The following BTN1A1 variants were observed in gnomAD, a reference collection of about 807,000 sequenced individuals.
BTN1A1 encodes the protein butyrophilin subfamily 1 member A1, also known as bK14H9.2 (butyrophilin, subfamily 1, member A1).
Under a neutral mutation model 33.1 loss-of-function variants are expected in BTN1A1, and 26 were observed. That is an observed-to-expected ratio of 0.79 (90% CI 0.58 to 1.09). The LOEUF (loss-of-function observed/expected upper bound fraction) is 1.09. Among genes scored for constraint, BTN1A1 ranks in the 50% least tolerant of loss-of-function variants. The pLI is 0.00. For synonymous variants in BTN1A1, 235 were observed against 256.2 expected (o/e 0.92, Z 0.79); for missense variants, 558 against 655.7 (o/e 0.85, Z 1.63).
chr6:26,509,153 A>G lies in BTN1A1; in HGVS notation c.1560A>G (p.Gln520=), dbSNP rs1554139427. Residue 520 remains glutamine, a synonymous_variant, in exon 8 of 8, where the codon CAA becomes CAG. Coordinates refer to ENST00000684113, the MANE Select transcript of BTN1A1 (RefSeq NM_001732.3). ...TCCATTCTAAGCTAATCCCTACCCA[A>G]CCCAGCCAAGGGGCACCTTAAGGAA... ...DTLHSKLIPT[Q]PSQGAP is the part of the protein sequence containing the mutation. The G allele has an allele frequency of 1.2e-6, 2 of 1,611,566 alleles. No individual in the cohort carries two copies. Among genetic ancestry groups the G allele is most frequent in the Non-Finnish European group, 1.7e-6 (2 of 1,178,844 alleles).
rs939125802 is a variant in BTN1A1, at chr6:26,509,447, G to C, written c.*273G>C. On this transcript the variant is annotated 3_prime_UTR_variant, in exon 8 of 8. Transcript: ENST00000684113. ...ACTAGAACCTATAGGAAACTACTTG[G>C]AGCAAACTCAAAGGACAGATTAGGG... 8.0e-6 allele frequency: 3 copies of C among 372,830 alleles called. No homozygotes were observed. In the East Asian group the frequency reaches 1.4e-4, roughly 18 times the overall value. 23.1% of individuals were successfully genotyped at this position (372,830 alleles called of 1,614,324 possible).
In BTN1A1 at chr6:26,510,124, A is replaced by G. The variant is rs1015843493; in HGVS notation, c.*950A>G. ...TCATCTCAATGCCCAAACCCCTTAC[A>G]CACACCTTCAGTTAGCTTCAACTGC... On this transcript the variant is annotated 3_prime_UTR_variant, in exon 8 of 8. Transcript: ENST00000684113. The G allele has an allele frequency of 6.5e-6, 1 of 152,728 alleles. No individual in the cohort carries two copies. Among genetic ancestry groups the G allele is most frequent in the Non-Finnish European group, 1.5e-5 (1 of 68,164 alleles). 9.5% of individuals were successfully genotyped at this position (152,728 alleles called of 1,614,324 possible). A position where few individuals can be genotyped will look rare whatever the true frequency, so the allele number is the denominator to read the frequency against.
chr6:26,501,925 C>CTGAA lies in BTN1A1; in HGVS notation c.416_419dup (p.Lys140AsnfsTer9). The CTGAA allele has an allele frequency of 6.4e-7, 1 of 1,568,582 alleles. No homozygotes were observed. The highest frequency in any genetic ancestry group is 8.7e-7 in the Non-Finnish European group (1 of 1,155,718). Reference sequence around the variant, plus strand: ...AAGCTACGAAGAAGCCCTGGTGCATCTGAAGGTGGCTGGTGAGTAGACGGG... The same window carrying CTGAA: ...AAGCTACGAAGAAGCCCTGGTGCATCTGAATGAAGGTGGCTGGTGAGTAGACGGG... On this transcript the variant is annotated frameshift_variant, in exon 3 of 8. Transcript: ENST00000684113. LOFTEE classifies it high-confidence loss of function. This position sits in a 1 kb window ranked among gnomAD's most constrained non-coding sequence, Gnocchi z 5.2.
Position 26,501,968 on chromosome 6 carries a change from G to T in BTN1A1, c.427+31G>T. On this transcript the variant is annotated intron_variant, in intron 3 of 7. Transcript: ENST00000684113. This position sits in a 1 kb window ranked among gnomAD's most constrained non-coding sequence, Gnocchi z 5.2. ...TAGACGGGTTTTGACTTTCTCCGAC[G>T]ACTCCCCTGCTGTATACACTTTCGT... 1 of 1,530,380 alleles carries T rather than the reference G, an allele frequency of 6.5e-7. No homozygotes were observed. The highest frequency in any genetic ancestry group is 1.3e-5 in the South Asian group (1 of 77,130). The allele number at this position is 1,530,380 out of a possible 1,614,324, so 94.8% of individuals were successfully genotyped here. A position where few individuals can be genotyped will look rare whatever the true frequency, so the allele number is the denominator to read the frequency against.
At position 26,501,506 on chromosome 6, in the gene BTN1A1, A is replaced by C; in HGVS notation, c.80-84A>C. 1 of 1,586,060 alleles carries C rather than the reference A, an allele frequency of 6.3e-7. No homozygotes were observed. The highest frequency in any genetic ancestry group is 1.3e-5 in the African/African-American group (1 of 74,386). On this transcript the variant is annotated intron_variant, in intron 2 of 7. Coordinates refer to ENST00000684113, the MANE Select transcript of BTN1A1 (RefSeq NM_001732.3). This position sits in a 1 kb window ranked among gnomAD's most constrained non-coding sequence, Gnocchi z 5.2. ...TCAAAGGAGTAAGAGAGCGCGGGGC[A>C]CTGCGCTTTGGCGGGAATCTGGTCG...
Position 26,501,394 on chromosome 6 carries a change from T to G in BTN1A1, c.79+29T>G. 1 of 1,597,818 alleles carries G rather than the reference T, an allele frequency of 6.3e-7. No homozygotes were observed. The highest frequency in any genetic ancestry group is 1.1e-5 in the South Asian group (1 of 90,738). ...AGTCTCTCTCTCTCTCTGGGCTGCA[T>G]AGTTGAAATATATCAATAAATGTAA... is the stretch of plus-strand genomic sequence containing the variant. On this transcript the variant is annotated intron_variant, in intron 2 of 7. Coordinates refer to ENST00000684113, the MANE Select transcript of BTN1A1 (RefSeq NM_001732.3). This position sits in a 1 kb window ranked among gnomAD's most constrained non-coding sequence, Gnocchi z 5.2.
Position 26,508,912 on chromosome 6 carries a change from A to T in BTN1A1, c.1319A>T (p.Asp440Val), listed in dbSNP as rs759352707. 4 of 1,614,198 alleles carry T rather than the reference A, an allele frequency of 2.5e-6. No homozygotes were observed. The highest frequency in any genetic ancestry group is 3.4e-6 in the Non-Finnish European group (4 of 1,180,022). ...GACATCTCCTTCTACAACATGAATG[A>T]TGGATCTGATATCTATACTTTCTCC... ...SGDISFYNMN[D>V]GSDIYTFSNV... Residue 440 changes from aspartate (D) to valine (V), a missense_variant, in exon 8 of 8, where the codon GAT becomes GTT. Coordinates refer to ENST00000684113, the MANE Select transcript of BTN1A1 (RefSeq NM_001732.3).
chr6:26,505,274 C>A, intron 4 of BTN1A1, 68 bp downstream of exon 4: 1 of 1,489,064 alleles, frequency 6.7e-7, no homozygotes, highest in Non-Finnish European at 9.2e-7. Flanking sequence ...CCTGGGACAC[C>A]TGCCCAGATG....
At position 26,504,479 on chromosome 6, in the gene BTN1A1, C is replaced by A. The variant is rs1485809399; in HGVS notation, c.428-446C>A. 3.3e-5 allele frequency among the ~76,000 whole-genome samples: 5 copies of A among 150,634 alleles called. No individual in the cohort carries two copies. In the East Asian group the frequency reaches 5.8e-4, roughly 18 times the overall value. On this transcript the variant is annotated intron_variant, in intron 3 of 7. Transcript: ENST00000684113. Reference sequence around the variant, plus strand: ...TTCCTTTTATTGGTACTTCAATTTCCTTTAAAAAAAAAAAAAAACTTTTTT... The same window carrying A: ...TTCCTTTTATTGGTACTTCAATTTCATTTAAAAAAAAAAAAAAACTTTTTT...
rs569586905 is a variant in BTN1A1, at chr6:26,506,554, T to C, written c.710-129T>C. On this transcript the variant is annotated intron_variant, in intron 4 of 7. Transcript: ENST00000684113. ...GTTTAGAGTGGCATTGGAGTGACTA[T>C]TTTTTTGCTATATGAGGGATGAGAG... The C allele has an allele frequency of 5.1e-5, 48 of 944,326 alleles. No homozygotes were observed. In the African/African-American group the frequency reaches 5.8e-4, roughly 11 times the overall value. 58.5% of individuals were successfully genotyped at this position (944,326 alleles called of 1,614,324 possible).
In BTN1A1 at chr6:26,508,540, T is replaced by A; in HGVS notation, c.947T>A (p.Leu316His). The A allele has an allele frequency of 6.2e-7, 1 of 1,613,936 alleles. No individual in the cohort carries two copies. The highest frequency in any genetic ancestry group is 1.3e-5 in the African/African-American group (1 of 75,034). Residue 316 changes from leucine to histidine, a missense_variant, in exon 8 of 8, where the codon CTC (leucine) becomes CAC (histidine). Coordinates refer to ENST00000684113, the MANE Select transcript of BTN1A1 (RefSeq NM_001732.3). ...GACCCAGACACAGCTCATCCCCACC[T>A]CTTTCTTTATGAGGATTCAAAATCT... ...TLDPDTAHPH[L>H]FLYEDSKSVR... is the part of the protein sequence containing the mutation.
chr6:26,506,919 G>A, intron 5 of BTN1A1, 87 bp downstream of exon 5: 1 of 1,487,720 alleles, frequency 6.7e-7, no homozygotes, highest in Non-Finnish European at 9.2e-7. Context: ...CTTATTTTAG[G>A]ATGACAGGAA....
At chr6:26,500,685 G>A (rs908302623) in intron 1 of BTN1A1, among the ~76,000 whole-genome samples, 1 of 152,166 alleles carries the variant, frequency 6.6e-6, no homozygotes, top group Non-Finnish European at 1.5e-5. Context: ...GGGAGGCCAA[G>A]GCGGGTGGAT....
At position 26,506,786 on chromosome 6, in the gene BTN1A1, A is replaced by G; in HGVS notation, c.813A>G (p.Leu271=). The G allele has an allele frequency of 6.2e-7, 1 of 1,614,164 alleles. No individual in the cohort carries two copies. ...TIGSIFFTWR[L]YNERPRERRN... ...GGTCCATATTTTTCACTTGGAGACTATACAACGAAAGACCCAGAGAGAGGA... is the reference window on the plus strand; with the variant it reads ...GGTCCATATTTTTCACTTGGAGACTGTACAACGAAAGACCCAGAGAGAGGA... Residue 271 remains leucine (L), a synonymous_variant, in exon 5 of 8, where the codon CTA becomes CTG. Coordinates refer to ENST00000684113, the MANE Select transcript of BTN1A1 (RefSeq NM_001732.3).
In BTN1A1 at chr6:26,501,238, T is replaced by C; in HGVS notation, c.-49T>C. ...GTCCATTCATCTCCTAGGCTGAAGCTCCTGAGGGGACTCACATCAGTTATC... is the reference window on the plus strand; with the variant it reads ...GTCCATTCATCTCCTAGGCTGAAGCCCCTGAGGGGACTCACATCAGTTATC... On this transcript the variant is annotated 5_prime_UTR_variant, in exon 2 of 8. Coordinates refer to ENST00000684113, the MANE Select transcript of BTN1A1 (RefSeq NM_001732.3). This position sits in a 1 kb window ranked among gnomAD's most constrained non-coding sequence, Gnocchi z 5.2. 6.8e-7 allele frequency: 1 copy of C among 1,463,564 alleles called. No individual in the cohort carries two copies. Among genetic ancestry groups the C allele is most frequent in the Non-Finnish European group, 9.4e-7 (1 of 1,065,484 alleles). The allele number at this position is 1,463,564 out of a possible 1,614,324, so 90.7% of individuals were successfully genotyped here. A position where few individuals can be genotyped will look rare whatever the true frequency, so the allele number is the denominator to read the frequency against.
Position 26,508,769 on chromosome 6 carries a change from G to A in BTN1A1, c.1176G>A (p.Gly392=), listed in dbSNP as rs778436239. ...KGFDPMTPEN[G]FWAVELYGNG... is the part of the protein sequence containing the mutation. Reference sequence around the variant, plus strand: ...TTGACCCCATGACTCCTGAGAATGGGTTCTGGGCTGTAGAGTTGTATGGAA... The same window carrying A: ...TTGACCCCATGACTCCTGAGAATGGATTCTGGGCTGTAGAGTTGTATGGAA... Residue 392 remains glycine, a synonymous_variant, in exon 8 of 8, where the codon GGG becomes GGA. Coordinates refer to ENST00000684113, the MANE Select transcript of BTN1A1 (RefSeq NM_001732.3). 6.2e-7 allele frequency: 1 copy of A among 1,614,126 alleles called. No individual in the cohort carries two copies. Among genetic ancestry groups the A allele is most frequent in the Non-Finnish European group, 8.5e-7 (1 of 1,180,018 alleles).
rs1377296423 is a variant in BTN1A1, at chr6:26,509,932, C to T, written c.*758C>T. ...CTTTCTCTGCGCCCTCCTGTTTCTC[C>T]CTTGCCTGGAAGTCATTCCACCCTC... is the stretch of plus-strand genomic sequence containing the variant. On this transcript the variant is annotated 3_prime_UTR_variant, in exon 8 of 8. Coordinates refer to ENST00000684113, the MANE Select transcript of BTN1A1 (RefSeq NM_001732.3). 6.6e-6 allele frequency: 1 copy of T among 152,248 alleles called. No homozygotes were observed. The highest frequency in any genetic ancestry group is 2.4e-5 in the African/African-American group (1 of 41,426). The allele number at this position is 152,248 out of a possible 1,614,324, so 9.4% of individuals were successfully genotyped here. A position where few individuals can be genotyped will look rare whatever the true frequency, so the allele number is the denominator to read the frequency against.
At chr6:26,507,640 G>T (rs1470099088) in intron 5 of BTN1A1, among the ~76,000 whole-genome samples, 1 of 151,746 alleles carries the variant, frequency 6.6e-6, no homozygotes, top group Non-Finnish European at 1.5e-5. Flanking sequence ...CGGGAGAATG[G>T]CTTGAACCTG....
At position 26,509,189 on chromosome 6, in the gene BTN1A1, C is replaced by T. The variant is rs1022939408; in HGVS notation, c.*15C>T. The T allele has an allele frequency of 1.9e-6, 3 of 1,588,710 alleles. No homozygotes were observed. In the African/African-American group the frequency reaches 4.0e-5, roughly 21 times the overall value. ...GGGCACCTTAAGGAATATCTCAGCT[C>T]ATCTGTTTTCCTTTCCTCTAACCCC... On this transcript the variant is annotated 3_prime_UTR_variant, in exon 8 of 8. Coordinates refer to ENST00000684113, the MANE Select transcript of BTN1A1 (RefSeq NM_001732.3).
Sources: allele counts gnomAD v4.1 joint callset (sites outside exome capture counted in the v4.1 genomes callset), GRCh38; gene constraint gnomAD v4.1.1; non-coding constraint Gnocchi (gnomAD v3.1); transcripts MANE v1.5; gene names NCBI Gene and HGNC (gene_info 2026-07-23, HGNC 2026-07-21).